ABCC9: variants seen among roughly 807,000 people sequenced by gnomAD.
The protein encoded by ABCC9 is ATP-binding cassette sub-family C member 9.
In ABCC9, 95 loss-of-function variants were observed where a neutral mutation model predicts 188.3. That is an observed-to-expected ratio of 0.50 (90% CI 0.43 to 0.60). The LOEUF is 0.60. ABCC9 is among the 20% of genes least tolerant of loss of function. The probability of loss-of-function intolerance (pLI) is 0.00; values close to 1 mark genes in which losing one functional copy is unlikely to be tolerated. For synonymous variants in ABCC9, 659 were observed against 652.7 expected (o/e 1.01, Z -0.15); for missense variants, 1,102 against 1,876.3 (o/e 0.59, Z 7.62).
intron 39 of ABCC9, chr12:21,805,055 G>C (rs1157316236): frequency 1.4e-6 from 2 of 1,449,590 alleles, no homozygotes; most frequent in Non-Finnish European, 1.9e-6. Flanking sequence ...ACACCCTGCA[G>C]TTAGTTCCCT....
chr12:21,915,302 A>ATATATATGTGTGTATATATATACATGTG (rs1948513489), intron 7 of ABCC9, among the ~76,000 whole-genome samples: 5 of 63,688 alleles, frequency 7.9e-5, no homozygotes, highest in East Asian at 3.3e-4. Context: ...ATACATGTGT[A>ATATATATGTGTGTATATATATACATGTG]TATATATATA....
chr12:21,915,514 A>ATATTTTT, intron 7 of ABCC9, among the ~76,000 whole-genome samples, 154 bp downstream of exon 7: 1 of 3,522 alleles, frequency 2.8e-4, no homozygotes, highest in African/African-American at 1.1e-3. Context: ...ATATATATAT[A>ATATTTTT]TTTTTTTTTT....
At chr12:21,899,186 T>C (rs1947585047) in intron 12 of ABCC9, among the ~76,000 whole-genome samples, 1 of 152,244 alleles carries the variant, frequency 6.6e-6, no homozygotes, top group Non-Finnish European at 1.5e-5. Context: ...CTTGGAGTTA[T>C]TTCTAAACAG....
chr12:21,861,241 T>TTTA (rs1565751357), intron 20 of ABCC9, among the ~76,000 whole-genome samples, 186 bp from the exon 21 acceptor site: 44 of 150,738 alleles, frequency 2.9e-4, no homozygotes, highest in South Asian at 1.1e-3. Context: ...CTTTTTTTTT[T>TTTA]TTTTTTGAAG....
intron 10 of ABCC9, 79 bp downstream of exon 10, chr12:21,910,078 T>C: frequency 7.3e-7 from 1 of 1,365,206 alleles, no homozygotes; most frequent in Non-Finnish European, 1.0e-6. Flanking sequence ...ATACACCTTT[T>C]ACAGAGCTAA....
rs560424302 is a variant in ABCC9, at chr12:21,911,464, T to C, written c.1012-486A>G. 5.9e-5 allele frequency among the ~76,000 whole-genome samples: 9 copies of C among 152,032 alleles called. No homozygotes were observed. In the East Asian group the frequency reaches 1.7e-3, roughly 29 times the overall value. ...GATAAATAATAAATTATAAAGTAGG[T>C]AATTTGGCTATATCACCCATGCAAC... On this transcript the variant is annotated intron_variant, in intron 8 of 39. Transcript: ENST00000261200.
rs71053348 is a variant in ABCC9 at position 21,818,526 on chromosome 12, A to ATGTGTGTGTGTG, written c.3670-287_3670-276dup. Among the ~76,000 whole-genome samples, 301 of 136,442 alleles carry ATGTGTGTGTGTG rather than the reference A, an allele frequency of 2.2e-3. 3 individuals carry two copies. The highest frequency in any genetic ancestry group is 7.8e-3 in the African/African-American group (284 of 36,326). 89.5% of individuals were successfully genotyped at this position (136,442 alleles called of 152,430 possible). ...TATATAACTATATAGATATATATAT[A>ATGTGTGTGTGTG]TGTGTGTGTGTGTGTGTGTGTGTGT... On this transcript the variant is annotated intron_variant, in intron 31 of 39. Transcript: ENST00000261200.
In ABCC9 at chr12:21,817,200, A is replaced by G. The variant is rs764514204; in HGVS notation, c.3879T>C (p.Tyr1293=). ...NSFLTMESEN[Y]EGTMDPSQVP... ...TTAGAGCAATACCCATTGTGCCTTC[A>G]TAGTTCTCTGACTCCATAGTCAGGA... is the stretch of plus-strand genomic sequence containing the variant. Residue 1293 remains tyrosine (Y), a synonymous_variant, in exon 33 of 40, where the codon TAT becomes TAC. Coordinates refer to ENST00000261200, the MANE Select transcript of ABCC9 (RefSeq NM_020297.4). The G allele has an allele frequency of 1.2e-6, 2 of 1,613,770 alleles. No individual in the cohort carries two copies. Among genetic ancestry groups the G allele is most frequent in the Non-Finnish European group, 1.7e-6 (2 of 1,179,788 alleles).
At chr12:21,894,280 G>T (rs748510534) in intron 13 of ABCC9, 106 bp from the exon 14 acceptor site, 37 of 1,279,276 alleles carry the variant, frequency 2.9e-5, no homozygotes, top group Non-Finnish European at 3.9e-5. Context: ...TATGTCCATT[G>T]TAACTATGAT....
At chr12:21,891,153 G>T (rs1347408469) in intron 14 of ABCC9, among the ~76,000 whole-genome samples, 1 of 152,058 alleles carries the variant, frequency 6.6e-6, no homozygotes, top group African/African-American at 2.4e-5. Flanking sequence ...ACTCCCTGCA[G>T]ATTTCAGTCT....
chr12:21,884,030 T>A (rs1182760137), intron 15 of ABCC9, among the ~76,000 whole-genome samples: 1 of 152,162 alleles, frequency 6.6e-6, no homozygotes, highest in East Asian at 1.9e-4. Flanking sequence ...GCTCAAAATT[T>A]CTTCCAGAAA....
At chr12:21,892,051 G>A (rs1640488943) in intron 14 of ABCC9, among the ~76,000 whole-genome samples, 1 of 152,196 alleles carries the variant, frequency 6.6e-6, no homozygotes, top group Non-Finnish European at 1.5e-5. Context: ...GCTTTTATAA[G>A]CAGATTCTGT....
At position 21,910,168 on chromosome 12, in the gene ABCC9, T is replaced by TA; in HGVS notation, c.1308dup (p.Met437TyrfsTer14). The TA allele has an allele frequency of 6.2e-7, 1 of 1,610,972 alleles. No homozygotes were observed. The highest frequency in any genetic ancestry group is 8.5e-7 in the Non-Finnish European group (1 of 1,177,658). On this transcript the variant is annotated frameshift_variant, in exon 10 of 40. Transcript: ENST00000261200. LOFTEE classifies it high-confidence loss of function. Reference sequence around the variant, plus strand: ...ATTTATCTACCTACCTGAACAGGCATAGCCCATAGATTGGGACACAGGAAC... The same window carrying TA: ...ATTTATCTACCTACCTGAACAGGCATAAGCCCATAGATTGGGACACAGGAAC...
intron 31 of ABCC9, among the ~76,000 whole-genome samples, chr12:21,828,003 T>C (rs938605581): frequency 6.6e-6 from 1 of 152,228 alleles, no homozygotes; most frequent in Non-Finnish European, 1.5e-5. Context: ...ACCATCTTCC[T>C]TCTCTTTTCT....
At chr12:21,915,103 G>T (rs1948479933) in intron 7 of ABCC9, among the ~76,000 whole-genome samples, 1 of 151,436 alleles carries the variant, frequency 6.6e-6, no homozygotes, top group Non-Finnish European at 1.5e-5. Context: ...GTTTCTCCAT[G>T]TTGGTCAGGC....
At chr12:21,859,723 G>T in intron 21 of ABCC9, 57 bp from the exon 22 acceptor site, 1 of 1,405,636 alleles carries the variant, frequency 7.1e-7, no homozygotes, top group Non-Finnish European at 1.0e-6. Context: ...TGATCTTTTG[G>T]TAATATGACC....
At chr12:21,869,927 G>A (rs920683987) in intron 18 of ABCC9, among the ~76,000 whole-genome samples, 2 of 152,028 alleles carry the variant, frequency 1.3e-5, no homozygotes, top group African/African-American at 4.8e-5. Flanking sequence ...ACTAAACATG[G>A]AAGATGGTCC....
At chr12:21,835,093 T>G (rs1944001421) in intron 30 of ABCC9, among the ~76,000 whole-genome samples, 1 of 152,042 alleles carries the variant, frequency 6.6e-6, no homozygotes, top group African/African-American at 2.4e-5. Flanking sequence ...AGGGGCAACA[T>G]CAACCCTTCC....
In ABCC9 at chr12:21,799,261, AAAAAAAAAAAG is replaced by A. The variant is rs996619389; in HGVS notation, c.*1772_*1782del. The A allele has an allele frequency of 8.2e-5, 12 of 147,136 alleles. No homozygotes were observed. In the South Asian group the frequency reaches 1.1e-3, roughly 13 times the overall value. 9.1% of individuals were successfully genotyped at this position (147,136 alleles called of 1,614,324 possible). On this transcript the variant is annotated 3_prime_UTR_variant, in exon 40 of 40. Transcript: ENST00000261200. The stretch of plus-strand genomic sequence containing the variant: ...TTAAAGTATATTAAAAAAAAAATTA[AAAAAAAAAAAG>A]AAAAAAAAAAGATTACTTCCATGGG...
Sources: gnomAD v4.1 joint callset for allele counts (sites outside exome capture counted in the v4.1 genomes callset) on GRCh38, gnomAD v4.1.1 for gene constraint, MANE v1.5 for transcripts, NCBI Gene and HGNC (gene_info 2026-07-23, HGNC 2026-07-21) for gene names.